Variants in EP400 observed in about 807,000 individuals in gnomAD.
The protein encoded by EP400 is E1A-binding protein p400.
Under a neutral mutation model 354.1 loss-of-function variants are expected in EP400, and 105 were observed. The observed-to-expected ratio is 0.30, with a 90% confidence interval of 0.25 to 0.35. The LOEUF (loss-of-function observed/expected upper bound fraction) is 0.35, where lower values mean the gene tolerates loss of function less well. EP400 is among the 10% of genes least tolerant of loss of function. The pLI, the probability that EP400 is intolerant of heterozygous loss-of-function variation, is 1.00. For missense variants in EP400, 3,280 were observed against 4,121.0 expected (o/e 0.80, Z 5.59); for synonymous variants, 1,646 against 1,716.9 (o/e 0.96, Z 1.02).
chr12:132,038,039 T>C lies in EP400; in HGVS notation c.6150T>C (p.Ser2050=). 1 of 1,614,228 alleles carries C rather than the reference T, an allele frequency of 6.2e-7. No individual in the cohort carries two copies. Among genetic ancestry groups the C allele is most frequent in the South Asian group, 1.1e-5 (1 of 91,082 alleles). Residue 2050 remains serine, a synonymous_variant, in exon 32 of 53, where the codon TCT becomes TCC. Coordinates refer to ENST00000389561, the MANE Select transcript of EP400 (RefSeq NM_015409.5). This position sits in a 1 kb window ranked among gnomAD's most constrained non-coding sequence, Gnocchi z 4.2. ...AAGCTGAGGAGTTTGTGGTGCTTTC[T>C]CAGGAACCTTCTGTCACGGAAACCA... The part of the protein sequence containing the change: ...PVKAEEFVVL[S]QEPSVTETIA...
intron 1 of EP400, among the ~76,000 whole-genome samples, chr12:131,953,263 G>T (rs1336661296): frequency 6.6e-6 from 1 of 152,134 alleles, no homozygotes; most frequent in Non-Finnish European, 1.5e-5. Context: ...GAAAAATAAA[G>T]ATCAAGAAAC....
At chr12:132,006,953 G>T in intron 15 of EP400, 76 bp downstream of exon 15, 1 of 1,528,364 alleles carries the variant, frequency 6.5e-7, no homozygotes, top group Non-Finnish European at 8.9e-7. Flanking sequence ...TGATGGGAGT[G>T]TGGGGACTTG....
chr12:132,022,070 A>G (rs1894139191), intron 23 of EP400, among the ~76,000 whole-genome samples: 1 of 152,230 alleles, frequency 6.6e-6, no homozygotes, highest in Admixed American at 6.5e-5. Context: ...TGATGCACAG[A>G]GACACTTGAG....
intron 30 of EP400, among the ~76,000 whole-genome samples, chr12:132,032,898 G>A (rs1406127571): frequency 6.6e-6 from 1 of 152,070 alleles, no homozygotes; most frequent in Non-Finnish European, 1.5e-5. Flanking sequence ...CAAAGTGCTG[G>A]GATTACAGGC....
At chr12:132,055,447 G>GT (rs1895454419) in intron 45 of EP400, among the ~76,000 whole-genome samples, 2 of 147,182 alleles carry the variant, frequency 1.4e-5, no homozygotes, top group African/African-American at 5.2e-5. Flanking sequence ...GTGTGTGTGT[G>GT]GTGTAGGGGT....
intron 45 of EP400, among the ~76,000 whole-genome samples, chr12:132,057,444 C>T (rs1895550330): frequency 6.6e-6 from 1 of 152,196 alleles, no homozygotes; most frequent in African/African-American, 2.4e-5. Flanking sequence ...GTTTCAATAA[C>T]AGAAAACAGA....
intron 52 of EP400, 105 bp from the exon 53 acceptor site, chr12:132,077,296 G>A (rs1329773726): frequency 4.3e-6 from 6 of 1,389,846 alleles, no homozygotes; most frequent in African/African-American, 1.4e-5. Context: ...TAAAAGCATA[G>A]TCAGTGAAGT....
chr12:132,064,172 C>T (rs1387603800), intron 47 of EP400, among the ~76,000 whole-genome samples: 1 of 152,102 alleles, frequency 6.6e-6, no homozygotes, highest in Non-Finnish European at 1.5e-5. Flanking sequence ...TCAAGGCTGC[C>T]ACCCAGCCTT....
chr12:132,069,358 G>C, intron 50 of EP400, 137 bp from the exon 51 acceptor site: 1 of 1,219,102 alleles, frequency 8.2e-7, no homozygotes, highest in Non-Finnish European at 1.1e-6. Context: ...CAGGAGATGT[G>C]GGTATGCACA....
At chr12:132,011,356 T>C (rs1290453621) in intron 15 of EP400, 142 bp from the exon 16 acceptor site, 2 of 1,019,224 alleles carry the variant, frequency 2.0e-6, no homozygotes, top group Non-Finnish European at 2.9e-6. Context: ...ATGCACTTGT[T>C]CCCCCCCAAG....
rs781540945 is a variant in EP400 at position 132,044,289 on chromosome 12, C to T, written c.6563C>T (p.Thr2188Met). 78 of 1,613,812 alleles carry T rather than the reference C, an allele frequency of 4.8e-5. No individual in the cohort carries two copies. Among genetic ancestry groups the T allele is most frequent in the South Asian group, 2.4e-4 (22 of 91,074 alleles). ...EQEEAELLTY[T>M]REDAYSMEYV... ...GAGGAGGCGGAGCTCCTGACCTACACGCGAGAGGATGCCTACAGCATGGTA... is the reference window on the plus strand; with the variant it reads ...GAGGAGGCGGAGCTCCTGACCTACATGCGAGAGGATGCCTACAGCATGGTA... Residue 2188 changes from threonine to methionine, a missense_variant, in exon 35 of 53, where the codon ACG (threonine) becomes ATG (methionine). This residue lies in a region of EP400 where 231 missense variants were observed against 257.9 expected (regional missense o/e 0.90). Coordinates refer to ENST00000389561, the MANE Select transcript of EP400 (RefSeq NM_015409.5).
At chr12:131,991,175 C>G (rs1367330089) in intron 9 of EP400, among the ~76,000 whole-genome samples, 1 of 152,170 alleles carries the variant, frequency 6.6e-6, no homozygotes, top group African/African-American at 2.4e-5. Flanking sequence ...GCATTGTGTT[C>G]CCCCATTATT....
At position 132,076,588 on chromosome 12, in the gene EP400, C is replaced by T; in HGVS notation, c.9094C>T (p.Gln3032Ter). 6.2e-7 allele frequency: 1 copy of T among 1,611,950 alleles called. No individual in the cohort carries two copies. Among genetic ancestry groups the T allele is most frequent in the Non-Finnish European group, 8.5e-7 (1 of 1,178,312 alleles). ...ASIQQVASAS[Q>*]QASPQTVALT... is the part of the protein sequence containing the mutation. Reference sequence around the variant, plus strand: ...CATCCAGCAAGTTGCCTCTGCTTCCCAGCAGGTAGGACGCATAGACAAAGT... The same window carrying T: ...CATCCAGCAAGTTGCCTCTGCTTCCTAGCAGGTAGGACGCATAGACAAAGT... Residue 3032 changes from glutamine to a stop codon, truncating the protein, a stop_gained, in exon 52 of 53, where the codon CAG (glutamine) becomes TAG (stop). Transcript: ENST00000389561. LOFTEE classifies it high-confidence loss of function.
chr12:132,044,099 G>GA, intron 34 of EP400, 78 bp from the exon 35 acceptor site: 2 of 1,573,090 alleles, frequency 1.3e-6, no homozygotes, highest in Non-Finnish European at 1.7e-6. Context: ...AGACAACAGG[G>GA]AAACCTGGAG....
chr12:132,009,680 G>A (rs1436014960), intron 15 of EP400, among the ~76,000 whole-genome samples: 2 of 152,124 alleles, frequency 1.3e-5, no homozygotes, highest in Non-Finnish European at 2.9e-5. Context: ...CATCAGTGCA[G>A]GTGTTGGTAC....
Position 132,027,931 on chromosome 12 carries a change from A to G in EP400, c.5110-86A>G, listed in dbSNP as rs1894362809. On this transcript the variant is annotated intron_variant, in intron 26 of 52. Transcript: ENST00000389561. This position sits in a 1 kb window ranked among gnomAD's most constrained non-coding sequence, Gnocchi z 4.9. ...TTGAAGTGGATCTCATATGTGGGAA[A>G]TCACGGGCTGGGTGGGGGGTTGGTG... is the stretch of plus-strand genomic sequence containing the variant. 2.1e-6 allele frequency: 3 copies of G among 1,455,458 alleles called. No individual in the cohort carries two copies. The highest frequency in any genetic ancestry group is 1.9e-4 in the Middle Eastern group (1 of 5,252). The allele number at this position is 1,455,458 out of a possible 1,614,324, so 90.2% of individuals were successfully genotyped here.
Position 132,067,162 on chromosome 12 carries a change from ATT to A in EP400, c.8749+194_8749+195del. On this transcript the variant is annotated intron_variant, in intron 49 of 52. Transcript: ENST00000389561. This position sits in a 1 kb window ranked among gnomAD's most constrained non-coding sequence, Gnocchi z 5.3. ...CTGGGTCCTCAATTGAACTGTTAACATTCTGAAATTTCCGTCTTAATTTAAGT... is the reference window on the plus strand; with the variant it reads ...CTGGGTCCTCAATTGAACTGTTAACACTGAAATTTCCGTCTTAATTTAAGT... The A allele has an allele frequency of 8.7e-7, 1 of 1,144,800 alleles. No individual in the cohort carries two copies. The highest frequency in any genetic ancestry group is 1.2e-6 in the Non-Finnish European group (1 of 823,622). The allele number at this position is 1,144,800 out of a possible 1,614,324, so 70.9% of individuals were successfully genotyped here. A position where few individuals can be genotyped will look rare whatever the true frequency, so the allele number is the denominator to read the frequency against.
In EP400 at chr12:132,018,603, G is replaced by A. The variant is rs1894021784; in HGVS notation, c.4277+227G>A. 1.3e-5 allele frequency among the ~76,000 whole-genome samples: 2 copies of A among 152,208 alleles called. No homozygotes were observed. Among genetic ancestry groups the A allele is most frequent in the African/African-American group, 2.4e-5 (1 of 41,456 alleles). On this transcript the variant is annotated intron_variant, in intron 21 of 52. Coordinates refer to ENST00000389561, the MANE Select transcript of EP400 (RefSeq NM_015409.5). This position sits in a 1 kb window ranked among gnomAD's most constrained non-coding sequence, Gnocchi z 4.0. ...TCCCTGAGCAGCAACCTCCTTGATC[G>A]TCTTTGCAGCAGTTTTAGGGTAGGG...
chr12:131,982,481 A>G lies in EP400; in HGVS notation c.1929+3A>G, dbSNP rs549328454. On this transcript the variant is annotated splice_donor_region_variant and intron_variant, in intron 5 of 52. Transcript: ENST00000389561. ...CTCAGCTTTCCTCCCTGCCACAGGT[A>G]TGAGAAAAGATAGAGGAAAAAAAGA... is the stretch of plus-strand genomic sequence containing the variant. 1.1e-5 allele frequency: 17 copies of G among 1,588,084 alleles called. No individual in the cohort carries two copies. In the African/African-American group the frequency reaches 1.8e-4, roughly 16 times the overall value.
Sources: allele counts gnomAD v4.1 joint callset (sites outside exome capture counted in the v4.1 genomes callset), GRCh38; gene constraint gnomAD v4.1.1; regional missense constraint gnomAD v4.1.1; non-coding constraint Gnocchi (gnomAD v3.1); transcripts MANE v1.5; gene names NCBI Gene and HGNC (gene_info 2026-07-23, HGNC 2026-07-21).